CEP63: variants seen among roughly 807,000 people sequenced by gnomAD.
CEP63 encodes centrosomal protein 63.
CEP63 carries 84 observed loss-of-function variants against 89.1 expected under a neutral mutation model. The ratio of observed to expected loss-of-function variants is 0.94; its 90% confidence interval spans 0.79 to 1.13. The LOEUF (loss-of-function observed/expected upper bound fraction) is 1.13. CEP63 is among the 50% of genes most tolerant of loss of function. The probability of loss-of-function intolerance (pLI) is 0.00; values close to 1 mark genes in which losing one functional copy is unlikely to be tolerated. For synonymous variants in CEP63, 267 were observed against 272.5 expected (o/e 0.98, Z 0.20); for missense variants, 838 against 813.3 (o/e 1.03, Z -0.37).
At chr3:134,495,947 C>G (rs541549443) in intron 2 of CEP63, among the ~76,000 whole-genome samples, 39 of 152,186 alleles carry the variant, frequency 2.6e-4, no homozygotes, top group Non-Finnish European at 4.7e-4. Context: ...GGATATATTT[C>G]TGACATTTTC....
the CEP63 span, among the ~76,000 whole-genome samples, chr3:134,779,226 T>C: frequency 6.6e-6 from 1 of 152,224 alleles, no homozygotes; most frequent in South Asian, 2.1e-4. Flanking sequence ...ATATTAATAA[T>C]AAAACAGGCA....
chr3:134,752,089 C>A, the CEP63 span, among the ~76,000 whole-genome samples: 2 of 152,132 alleles, frequency 1.3e-5, no homozygotes, highest in African/African-American at 4.8e-5. Flanking sequence ...TAGTGCTTTA[C>A]AGTGAGCAGA....
chr3:134,659,144 T>C, the CEP63 span, among the ~76,000 whole-genome samples: 4 of 152,166 alleles, frequency 2.6e-5, no homozygotes, highest in Admixed American at 2.6e-4. Context: ...ATGATGAAGA[T>C]CAATCTGTCT....
chr3:134,627,613 G>T, the CEP63 span: 1 of 683,932 alleles, frequency 1.5e-6, no homozygotes, highest in Non-Finnish European at 2.6e-6. Context: ...AATCAATCAT[G>T]ACACTCTTCC....
chr3:134,585,335 A>G (rs553363677), intron 10 of CEP63, among the ~76,000 whole-genome samples: 1 of 152,088 alleles, frequency 6.6e-6, no homozygotes, highest in East Asian at 1.9e-4. Context: ...AGTGCTATAA[A>G]TTTCCCTCTA....
chr3:134,737,994 C>T, the CEP63 span, among the ~76,000 whole-genome samples: 1 of 152,146 alleles, frequency 6.6e-6, no homozygotes, highest in African/African-American at 2.4e-5. Flanking sequence ...CACCTAGGTT[C>T]AAGGAGAGGG....
At chr3:134,540,574 G>A (rs1951793686) in intron 6 of CEP63, among the ~76,000 whole-genome samples, 1 of 151,866 alleles carries the variant, frequency 6.6e-6, no homozygotes, top group Admixed American at 6.6e-5. Flanking sequence ...CACATTGAGC[G>A]CTATTATTTC....
chr3:134,590,014 CAT>C (rs1958568730), downstream of CEP63, among the ~76,000 whole-genome samples: 1 of 152,260 alleles, frequency 6.6e-6, no homozygotes, highest in South Asian at 2.1e-4. Context: ...CCAAATATCA[CAT>C]GTTATCACTT....
downstream of CEP63, among the ~76,000 whole-genome samples, chr3:134,575,655 A>C (rs1322729560): frequency 7.1e-6 from 1 of 140,734 alleles, no homozygotes; most frequent in African/African-American, 2.7e-5. Context: ...TCTGTGGCCC[A>C]GGTTGGAGTG....
At chr3:134,769,767 G>T in the CEP63 span, among the ~76,000 whole-genome samples, 59 of 152,274 alleles carry the variant, frequency 3.9e-4, no homozygotes, top group African/African-American at 1.4e-3. Context: ...CTTAGTCCTG[G>T]TTGTCATCTT....
At chr3:134,507,442 A>G (rs1286864392) in intron 3 of CEP63, among the ~76,000 whole-genome samples, 156 bp downstream of exon 3, 1 of 152,206 alleles carries the variant, frequency 6.6e-6, no homozygotes, top group African/African-American at 2.4e-5. Flanking sequence ...AGAAAAATTC[A>G]TTGTGAAAAT....
chr3:134,734,924 A>T, the CEP63 span, among the ~76,000 whole-genome samples: 1 of 152,134 alleles, frequency 6.6e-6, no homozygotes, highest in Admixed American at 6.5e-5. Context: ...CTGCCAGATA[A>T]TCATTTTCCC....
the CEP63 span, among the ~76,000 whole-genome samples, chr3:134,593,605 G>T: frequency 1.3e-4 from 20 of 152,286 alleles, 1 homozygote; most frequent in African/African-American, 4.6e-4. Flanking sequence ...AGGAGGAGGA[G>T]GGGTCCACAG....
intron 3 of CEP63, among the ~76,000 whole-genome samples, chr3:134,509,227 G>A (rs1944266379): frequency 2.0e-5 from 3 of 152,100 alleles, no homozygotes; most frequent in Admixed American, 1.3e-4. Flanking sequence ...CAGTTATGGC[G>A]GAAGGCAAAG....
chr3:134,604,243 C>T, the CEP63 span: 21 of 1,613,794 alleles, frequency 1.3e-5, no homozygotes, highest in Non-Finnish European at 1.8e-5. Context: ...CAGCTGGACA[C>T]CCATGTCCAC....
At chr3:134,644,387 C>T in the CEP63 span, among the ~76,000 whole-genome samples, 1 of 152,216 alleles carries the variant, frequency 6.6e-6, no homozygotes, top group Non-Finnish European at 1.5e-5. Context: ...CTTACTTGCC[C>T]TCCCAGGGGA....
chr3:134,542,940 C>A (rs1451595266), intron 6 of CEP63, among the ~76,000 whole-genome samples: 58 of 147,636 alleles, frequency 3.9e-4, no homozygotes, highest in Non-Finnish European at 4.2e-4. Flanking sequence ...GTGGTTAGTG[C>A]AAAAAAAAAA....
chr3:134,659,869 G>T, the CEP63 span, among the ~76,000 whole-genome samples: 4 of 152,326 alleles, frequency 2.6e-5, 1 homozygote, highest in African/African-American at 9.6e-5. Context: ...TGGATCCCAG[G>T]GGGCATGCGG....
the CEP63 span, among the ~76,000 whole-genome samples, chr3:134,697,281 CT>C: frequency 0.059 from 9,008 of 151,774 alleles, 459 homozygotes; most frequent in South Asian, 0.29. Flanking sequence ...TAAAGAAGAA[CT>C]TTTTTTTTGA....
Sources: gnomAD v4.1 joint callset for allele counts (sites outside exome capture counted in the v4.1 genomes callset) on GRCh38, gnomAD v4.1.1 for gene constraint, MANE v1.5 for transcripts, NCBI Gene and HGNC (gene_info 2026-07-23, HGNC 2026-07-21) for gene names.